The following GPC6 variants were observed in gnomAD, a reference collection of about 807,000 sequenced individuals.
GPC6 encodes glypican-6.
Under a neutral mutation model 55.2 loss-of-function variants are expected in GPC6, and 14 were observed. That is an observed-to-expected ratio of 0.25 (90% CI 0.17 to 0.40). The LOEUF is 0.40. GPC6 is among the 10% of genes least tolerant of loss of function. The pLI, the probability that GPC6 is intolerant of heterozygous loss-of-function variation, is 1.00. For synonymous variants in GPC6, 278 were observed against 259.6 expected (o/e 1.07, Z -0.68); for missense variants, 641 against 708.5 (o/e 0.90, Z 1.08).
chr13:94,066,679 T>C (rs1477866591), intron 4 of GPC6, among the ~76,000 whole-genome samples: 2 of 152,194 alleles, frequency 1.3e-5, no homozygotes, highest in Non-Finnish European at 2.9e-5. Context: ...CAAGTCAGTA[T>C]TTTCTCATAA....
intron 2 of GPC6, among the ~76,000 whole-genome samples, chr13:93,686,702 A>T (rs1328530495): frequency 1.3e-5 from 2 of 152,164 alleles, no homozygotes; most frequent in Non-Finnish European, 2.9e-5. Context: ...TATGACTAAA[A>T]ATTGTTTTCA....
chr13:93,690,974 T>C (rs1167924435), intron 2 of GPC6, among the ~76,000 whole-genome samples: 1 of 152,074 alleles, frequency 6.6e-6, no homozygotes, highest in Non-Finnish European at 1.5e-5. Context: ...TGCCTAAAAT[T>C]GTGCACCTAA....
intron 2 of GPC6, among the ~76,000 whole-genome samples, chr13:93,710,849 C>G (rs1418352271): frequency 6.6e-6 from 1 of 151,662 alleles, no homozygotes; most frequent in Non-Finnish European, 1.5e-5. Context: ...GCTTATTGTG[C>G]ATAACTTAAG....
chr13:93,717,134 G>A (rs935990130), intron 2 of GPC6, among the ~76,000 whole-genome samples: 1 of 151,458 alleles, frequency 6.6e-6, no homozygotes, highest in South Asian at 2.1e-4. Flanking sequence ...GTTATGTGAT[G>A]CATGGGTGCG....
chr13:93,252,643 T>C (rs1168047261), intron 1 of GPC6, among the ~76,000 whole-genome samples: 1 of 152,224 alleles, frequency 6.6e-6, no homozygotes, highest in Non-Finnish European at 1.5e-5. Context: ...TTTTCTTGTA[T>C]CATTTAAAAT....
intron 2 of GPC6, among the ~76,000 whole-genome samples, chr13:93,798,567 C>T (rs1248232884): frequency 3.3e-5 from 5 of 152,086 alleles, no homozygotes; most frequent in Admixed American, 3.3e-4. Flanking sequence ...GCTATACCTT[C>T]CCTGAAAAAA....
chr13:93,514,949 C>T (rs1881128881), intron 1 of GPC6, among the ~76,000 whole-genome samples: 1 of 152,132 alleles, frequency 6.6e-6, no homozygotes, highest in African/African-American at 2.4e-5. Flanking sequence ...TTGTGTGTCT[C>T]CCAAAATTCA....
intron 4 of GPC6, among the ~76,000 whole-genome samples, chr13:94,254,470 T>C (rs563185760): frequency 6.6e-6 from 1 of 151,900 alleles, no homozygotes; most frequent in South Asian, 2.1e-4. Flanking sequence ...CATTTTACTT[T>C]ATCACCATCC....
intron 4 of GPC6, among the ~76,000 whole-genome samples, chr13:94,249,970 A>G (rs1435423764): frequency 6.6e-6 from 1 of 152,164 alleles, no homozygotes; most frequent in African/African-American, 2.4e-5. Context: ...GTGGCAACAC[A>G]TATTTGCTCT....
At chr13:93,374,035 G>A (rs539829970) in intron 1 of GPC6, among the ~76,000 whole-genome samples, 2 of 152,104 alleles carry the variant, frequency 1.3e-5, no homozygotes, top group East Asian at 3.9e-4. Flanking sequence ...ATACAGTAGT[G>A]GACATCTAGT....
chr13:93,681,155 G>A (rs947297924), intron 2 of GPC6, among the ~76,000 whole-genome samples: 6 of 152,112 alleles, frequency 3.9e-5, no homozygotes, highest in African/African-American at 1.4e-4. Flanking sequence ...AACTCCAAAG[G>A]AGTTAGAGAT....
chr13:93,332,384 T>C (rs1361047001), intron 1 of GPC6, among the ~76,000 whole-genome samples: 1 of 152,098 alleles, frequency 6.6e-6, no homozygotes, highest in African/African-American at 2.4e-5. Context: ...TGTTTATCTT[T>C]TGTCTTTTTA....
chr13:93,565,216 G>C (rs1009850637), intron 2 of GPC6, among the ~76,000 whole-genome samples: 1 of 152,114 alleles, frequency 6.6e-6, no homozygotes, highest in Admixed American at 6.5e-5. Flanking sequence ...TCTGTTGAAA[G>C]GGGGGAGAAG....
chr13:93,866,781 AC>A (rs1888979233), intron 3 of GPC6, among the ~76,000 whole-genome samples: 1 of 151,716 alleles, frequency 6.6e-6, no homozygotes, highest in Non-Finnish European at 1.5e-5. Flanking sequence ...CAGGCTAAAT[AC>A]CTGGGTGATG....
intron 1 of GPC6, among the ~76,000 whole-genome samples, chr13:93,467,093 G>A (rs1355542104): frequency 6.6e-6 from 1 of 152,094 alleles, no homozygotes; most frequent in Non-Finnish European, 1.5e-5. Context: ...TGTATACAAC[G>A]TTGCCTTTCT....
intron 6 of GPC6, among the ~76,000 whole-genome samples, chr13:94,362,651 G>T (rs572259009): frequency 6.6e-6 from 1 of 152,206 alleles, no homozygotes; most frequent in African/African-American, 2.4e-5. Context: ...AAGGAAAAGA[G>T]GGTGACGTCA....
At chr13:93,487,360 C>G (rs1456421337) in intron 1 of GPC6, among the ~76,000 whole-genome samples, 1 of 152,172 alleles carries the variant, frequency 6.6e-6, no homozygotes, top group African/African-American at 2.4e-5. Context: ...CTAATCTTCT[C>G]CCTTCTCCCA....
rs188852606 is a variant in GPC6 at position 94,215,869 on chromosome 13, G to T, written c.878-70480G>T. 4.9e-4 allele frequency among the ~76,000 whole-genome samples: 75 copies of T among 152,144 alleles called. 2 individuals carry two copies. In the East Asian group the frequency reaches 0.013, roughly 27 times the overall value. On this transcript the variant is annotated intron_variant, in intron 4 of 8. Transcript: ENST00000377047. ...CTGGAAAACATCAAAAAGAAAAGGG[G>T]TACATTTAACTTCGTTAATAGTAAG...
chr13:93,306,140 T>C (rs1395145838), intron 1 of GPC6, among the ~76,000 whole-genome samples: 2 of 152,188 alleles, frequency 1.3e-5, no homozygotes, highest in Admixed American at 6.5e-5. Context: ...ATGTATGTTA[T>C]TGACATCTTT....
Sources: allele counts gnomAD v4.1 joint callset (sites outside exome capture counted in the v4.1 genomes callset), GRCh38; gene constraint gnomAD v4.1.1; transcripts MANE v1.5; gene names NCBI Gene and HGNC (gene_info 2026-07-23, HGNC 2026-07-21).